The following CACNA1H variants were observed in gnomAD, a reference collection of about 807,000 sequenced individuals.
The protein encoded by CACNA1H is calcium voltage-gated channel subunit alpha1 H.
Under a neutral mutation model 192.5 loss-of-function variants are expected in CACNA1H, and 149 were observed. The ratio of observed to expected loss-of-function variants is 0.77; its 90% confidence interval spans 0.68 to 0.89. The LOEUF is 0.89. Among genes scored for constraint, CACNA1H ranks in the 40% least tolerant of loss-of-function variants. The probability of loss-of-function intolerance (pLI) is 0.00; values close to 1 mark genes in which losing one functional copy is unlikely to be tolerated. For synonymous variants in CACNA1H, 2,202 were observed against 1,475.2 expected (o/e 1.49, Z -11.29); for missense variants, 4,257 against 3,423.5 (o/e 1.24, Z -6.08).
At chr16:1,199,844 C>G (rs1460646463) in intron 6 of CACNA1H, among the ~76,000 whole-genome samples, 2 of 152,108 alleles carry the variant, frequency 1.3e-5, no homozygotes, top group Non-Finnish European at 2.9e-5. Context: ...TCCCCTCGTC[C>G]CTTGCCCTTT....
rs763465373 is a variant in CACNA1H, at chr16:1,210,134, C to A, written c.3844C>A (p.Arg1282=). The A allele has an allele frequency of 3.9e-6, 6 of 1,554,214 alleles. No individual in the cohort carries two copies. The African/African-American group carries it at 8.2e-5, about 21-fold the overall frequency. Residue 1282 remains arginine (R), a splice_region_variant and synonymous_variant, in exon 18 of 35, where the codon CGG becomes AGG. Coordinates refer to ENST00000348261, the MANE Select transcript of CACNA1H (RefSeq NM_021098.3). ...CCTCTACCTCTTCTCCCCACAGAAC[C>A]GGTGAGGCGGCCGGGTCAGGAGGCT... ...WALYLFSPQN[R]FRVSCQKVIT...
Position 1,215,354 on chromosome 16 carries a change from C to A in CACNA1H, c.5152C>A (p.Arg1718Ser), listed in dbSNP as rs750177427. 1 of 1,605,734 alleles carries A rather than the reference C, an allele frequency of 6.2e-7. No homozygotes were observed. The highest frequency in any genetic ancestry group is 8.5e-7 in the Non-Finnish European group (1 of 1,176,126). Residue 1718 changes from arginine to serine, a missense_variant, in exon 29 of 35, where the codon CGC becomes AGC. Physicochemically the swap from Arg to Ser is moderately radical, Grantham distance 110. Transcript: ENST00000348261. ...PINPTIIRIM[R>S]VLRIARVLKL... ...CAACCCCACCATCATCCGCATCATG[C>A]GCGTGCTTCGCATTGCCCGTGGTAG...
At chr16:1,208,721 A>G (rs1280782541) in intron 16 of CACNA1H, among the ~76,000 whole-genome samples, 2 of 152,210 alleles carry the variant, frequency 1.3e-5, no homozygotes. Context: ...GCTGTGAGGC[A>G]GAGCCGCAGG....
In CACNA1H at chr16:1,195,045, G is replaced by T; in HGVS notation, c.373G>T (p.Asp125Tyr). 1 of 1,610,778 alleles carries T rather than the reference G, an allele frequency of 6.2e-7. No homozygotes were observed. ...VTLGMFRPCE[D>Y]VECGSERCNI... ...CCTGGGCATGTTCCGGCCCTGTGAG[G>T]ACGTTGAGTGCGGCTCCGAGCGCTG... Residue 125 changes from aspartate to tyrosine, a missense_variant, in exon 3 of 35, where the codon GAC becomes TAC. By Grantham distance (160) the Asp-to-Tyr change is radical. Coordinates refer to ENST00000348261, the MANE Select transcript of CACNA1H (RefSeq NM_021098.3).
intron 2 of CACNA1H, among the ~76,000 whole-genome samples, chr16:1,161,977 G>A (rs1186187064): frequency 6.6e-6 from 1 of 152,148 alleles, no homozygotes. Context: ...GCTGTGTCCC[G>A]TGAAGTCTGA....
intron 18 of CACNA1H, 32 bp from the exon 19 acceptor site, chr16:1,210,338 G>T: frequency 3.4e-5 from 10 of 296,978 alleles, no homozygotes; most frequent in South Asian, 1.5e-4. Flanking sequence ...ACGCCGCCCC[G>T]CCCCACCTCT....
intron 2 of CACNA1H, among the ~76,000 whole-genome samples, chr16:1,171,695 G>A (rs764423113): frequency 1.3e-5 from 2 of 152,020 alleles, no homozygotes; most frequent in African/African-American, 4.8e-5. Flanking sequence ...GCCGTGCCTC[G>A]GCCCACAGAG....
chr16:1,205,278 C>G lies in CACNA1H; in HGVS notation c.2603+13C>G, dbSNP rs201131841. The G allele has an allele frequency of 6.3e-7, 1 of 1,589,452 alleles. No homozygotes were observed. Among genetic ancestry groups the G allele is most frequent in the African/African-American group, 1.3e-5 (1 of 74,554 alleles). On this transcript the variant is annotated intron_variant, in intron 11 of 34. Coordinates refer to ENST00000348261, the MANE Select transcript of CACNA1H (RefSeq NM_021098.3). ...TCGTGGTCATCAGGTGGGTCCCCAC[C>G]CTCTCCCCAGGAAGAGGGGCCCGGG...
intron 5 of CACNA1H, among the ~76,000 whole-genome samples, chr16:1,196,273 C>T (rs964672355): frequency 6.6e-6 from 1 of 152,272 alleles, no homozygotes; most frequent in Admixed American, 6.5e-5. Flanking sequence ...CCCACACAGC[C>T]GAGTGACAGG....
At chr16:1,208,311 C>A in intron 16 of CACNA1H, 90 bp downstream of exon 16, 1 of 885,588 alleles carries the variant, frequency 1.1e-6, no homozygotes, top group Non-Finnish European at 1.8e-6. Context: ...GAGTGAGGGC[C>A]GCACCCCCCA....
At chr16:1,189,420 T>TC (rs1350940419) in intron 2 of CACNA1H, among the ~76,000 whole-genome samples, 2 of 120,570 alleles carry the variant, frequency 1.7e-5, no homozygotes, top group African/African-American at 4.1e-5. Context: ...TTTTTTTTTT[T>TC]TTTTTTTTTT....
chr16:1,176,471 A>G (rs750086909), intron 2 of CACNA1H, among the ~76,000 whole-genome samples: 10 of 152,328 alleles, frequency 6.6e-5, no homozygotes, highest in Non-Finnish European at 1.0e-4. Context: ...CTCTTTCTGC[A>G]GGTGGGCATG....
intron 2 of CACNA1H, among the ~76,000 whole-genome samples, chr16:1,188,516 C>G (rs1397807352): frequency 6.6e-6 from 1 of 152,060 alleles, no homozygotes; most frequent in African/African-American, 2.4e-5. Flanking sequence ...TAGCAGCTGC[C>G]AGGGTTCCCG....
intron 9 of CACNA1H, among the ~76,000 whole-genome samples, chr16:1,203,096 T>C (rs1596414677): frequency 6.6e-6 from 1 of 151,350 alleles, no homozygotes; most frequent in Non-Finnish European, 1.5e-5. Flanking sequence ...TGGGGAGAGG[T>C]GCGAGCGAGG....
At chr16:1,185,339 C>T (rs1001511855) in intron 2 of CACNA1H, among the ~76,000 whole-genome samples, 10 of 152,108 alleles carry the variant, frequency 6.6e-5, no homozygotes, top group South Asian at 2.1e-4. Flanking sequence ...CGTGAGTGCC[C>T]GTTTCCTTTG....
In CACNA1H at chr16:1,210,371, T is replaced by C; in HGVS notation, c.3847T>C (p.Phe1283Leu). 1.6e-6 allele frequency: 1 copy of C among 610,296 alleles called. No individual in the cohort carries two copies. The highest frequency in any genetic ancestry group is 2.5e-6 in the Non-Finnish European group (1 of 404,466). 37.8% of individuals were successfully genotyped at this position (610,296 alleles called of 1,614,324 possible). A position where few individuals can be genotyped will look rare whatever the true frequency, so the allele number is the denominator to read the frequency against. Reference protein sequence around the residue: ...ALYLFSPQNRFRVSCQKVITH... With the variant: ...ALYLFSPQNRLRVSCQKVITH... ...TCTCACCCGCCCCCGCCCACCCAGG[T>C]TCCGCGTCTCCTGCCAGAAGGTCAT... Residue 1283 changes from phenylalanine (F) to leucine (L), a missense_variant and splice_region_variant, in exon 19 of 35, where the codon TTC becomes CTC. Coordinates refer to ENST00000348261, the MANE Select transcript of CACNA1H (RefSeq NM_021098.3).
Position 1,220,058 on chromosome 16 carries a change from G to C in CACNA1H, c.6126G>C (p.Glu2042Asp). 1 of 1,430,432 alleles carries C rather than the reference G, an allele frequency of 7.0e-7. No individual in the cohort carries two copies. The highest frequency in any genetic ancestry group is 9.1e-7 in the Non-Finnish European group (1 of 1,093,576). 88.6% of individuals were successfully genotyped at this position (1,430,432 alleles called of 1,614,324 possible). Residue 2042 changes from glutamate (E) to aspartate (D), a missense_variant, in exon 35 of 35, where the codon GAG (glutamate) becomes GAC (aspartate). Glu to Asp is a conservative substitution (Grantham distance 45). Coordinates refer to ENST00000348261, the MANE Select transcript of CACNA1H (RefSeq NM_021098.3). ...RDTLDPAEPG[E>D]KTPVRPVTQG... ...CCCTGGATCCTGCAGAGCCTGGTGA[G>C]AAAACCCCGGTGAGGCCGGTGACCC...
intron 4 of CACNA1H, 73 bp downstream of exon 4, chr16:1,195,638 C>A: frequency 1.3e-6 from 2 of 1,488,266 alleles, no homozygotes; most frequent in Admixed American, 4.1e-5. Flanking sequence ...CCCTGTGTCC[C>A]ACCTGTAAAG....
At chr16:1,184,879 G>A (rs561004519) in intron 2 of CACNA1H, among the ~76,000 whole-genome samples, 4 of 146,082 alleles carry the variant, frequency 2.7e-5, no homozygotes, top group South Asian at 4.2e-4. Flanking sequence ...TGAGGTTCAC[G>A]TACCATGGGA....
Sources: gnomAD v4.1 joint callset for allele counts (sites outside exome capture counted in the v4.1 genomes callset) on GRCh38, gnomAD v4.1.1 for gene constraint, MANE v1.5 for transcripts, NCBI Gene and HGNC (gene_info 2026-07-23, HGNC 2026-07-21) for gene names.